The following CD300LG variants were observed in gnomAD, a reference collection of about 807,000 sequenced individuals.
CD300LG encodes CD300 molecule like family member g, also known as CMRF35-like molecule 9.
A neutral mutation model predicts 31.5 loss-of-function variants in CD300LG; 29 were observed. That is an observed-to-expected ratio of 0.92 (90% CI 0.68 to 1.25). CD300LG has a LOEUF of 1.25. Ranked by LOEUF, CD300LG falls within the 50% of genes most tolerant of loss-of-function variation. The pLI is 0.00. For synonymous variants in CD300LG, 175 were observed against 177.2 expected, an observed-to-expected ratio of 0.99 and a Z score of 0.10; for missense variants, 396 against 417.6, an observed-to-expected ratio of 0.95 and a Z score of 0.45.
At chr17:43,852,725 G>A (rs11867485) in intron 2 of CD300LG, among the ~76,000 whole-genome samples, 187 bp from the exon 3 acceptor site, 30,687 of 152,200 alleles carry the variant, frequency 0.2, 4,175 homozygotes, top group Non-Finnish European at 0.3. Context: ...CGCGAGGCCA[G>A]GGGGCTGCAG....
intron 2 of CD300LG, chr17:43,850,001 C>A (rs1367070385): frequency 6.6e-6 from 1 of 152,194 alleles, no homozygotes; most frequent in African/African-American, 2.4e-5. Flanking sequence ...GTCATTTCTA[C>A]CAGTTATGAT....
intron 6 of CD300LG, among the ~76,000 whole-genome samples, chr17:43,859,482 G>A (rs1199828497): frequency 4.6e-5 from 7 of 152,216 alleles, no homozygotes; most frequent in Admixed American, 1.3e-4. Context: ...TTGCGATAGT[G>A]GGCCTGGCTG....
Position 43,855,323 on chromosome 17 carries a change from A to G in CD300LG, c.832+4A>G. The G allele has an allele frequency of 6.5e-7, 1 of 1,547,316 alleles. No homozygotes were observed. The highest frequency in any genetic ancestry group is 8.7e-7 in the Non-Finnish European group (1 of 1,147,998). Reference sequence around the variant, plus strand: ...CTGCTCCTGTGGAGAAAGGAAGGTGAGCAAAGGTGGGCGGCAGGAAGGCGG... The same window carrying G: ...CTGCTCCTGTGGAGAAAGGAAGGTGGGCAAAGGTGGGCGGCAGGAAGGCGG... On this transcript the variant is annotated splice_donor_region_variant and intron_variant, in intron 5 of 6. Transcript: ENST00000317310.
intron 6 of CD300LG, chr17:43,861,075 G>T: frequency 9.1e-6 from 9 of 984,942 alleles, no homozygotes; most frequent in Non-Finnish European, 1.1e-5. Context: ...GGCTTGGCTG[G>T]GCTAGCAGAC....
chr17:43,848,099 G>A (rs777085620), intron 1 of CD300LG, among the ~76,000 whole-genome samples: 8 of 152,034 alleles, frequency 5.3e-5, no homozygotes, highest in Non-Finnish European at 1.0e-4. Context: ...AAAATTAGCC[G>A]GGCATGGCAG....
intron 6 of CD300LG, chr17:43,857,650 T>C: frequency 8.5e-7 from 1 of 1,171,718 alleles, no homozygotes; most frequent in Admixed American, 2.0e-5. Context: ...CTGGCAGTGC[T>C]ACAAACTCTA....
chr17:43,858,040 C>T (rs1373712383), intron 6 of CD300LG: 1 of 1,440,416 alleles, frequency 6.9e-7, no homozygotes, highest in Non-Finnish European at 9.1e-7. Flanking sequence ...CCCTCCTGGC[C>T]CCTCCTCCCT....
intron 5 of CD300LG, among the ~76,000 whole-genome samples, chr17:43,856,734 C>T (rs2046533364): frequency 6.6e-6 from 1 of 152,204 alleles, no homozygotes; most frequent in Non-Finnish European, 1.5e-5. Flanking sequence ...CCCTTGGTAG[C>T]CTGTTAGAAA....
At position 43,861,950 on chromosome 17, in the gene CD300LG, T is replaced by C. The variant is rs776688105; in HGVS notation, c.*39T>C. On this transcript the variant is annotated 3_prime_UTR_variant, in exon 7 of 7. Transcript: ENST00000317310. ...CCTGGCCAGGCCAGCAGTGAAGCAG[T>C]ATGGCTGGCTGGATCAGCACCGATT... 2.8e-6 allele frequency: 4 copies of C among 1,441,368 alleles called. No homozygotes were observed. The highest frequency in any genetic ancestry group is 2.8e-6 in the Non-Finnish European group (3 of 1,055,760). 89.3% of individuals were successfully genotyped at this position (1,441,368 alleles called of 1,614,324 possible).
intron 6 of CD300LG, 193 bp downstream of exon 6, chr17:43,857,349 C>A: frequency 6.6e-7 from 1 of 1,512,788 alleles, no homozygotes; most frequent in South Asian, 1.2e-5. Context: ...GGACACAGTG[C>A]CCATGGGGGA....
intron 6 of CD300LG, chr17:43,861,381 C>A: frequency 1.5e-6 from 1 of 667,388 alleles, no homozygotes; most frequent in Non-Finnish European, 1.9e-6. Flanking sequence ...CACACCCCCG[C>A]ATCTACCCAC....
At chr17:43,857,521 T>C in intron 6 of CD300LG, 1 of 1,494,588 alleles carries the variant, frequency 6.7e-7, no homozygotes, top group Non-Finnish European at 9.0e-7. Flanking sequence ...TAGCCTGACT[T>C]TTCTCTCAGT....
intron 6 of CD300LG, among the ~76,000 whole-genome samples, chr17:43,860,123 C>G (rs2046622015): frequency 6.6e-6 from 1 of 152,146 alleles, no homozygotes; most frequent in African/African-American, 2.4e-5. Context: ...AAGCTGGGCC[C>G]CGGTTAGTAG....
At chr17:43,847,373 C>A in intron 1 of CD300LG, 114 bp downstream of exon 1, 1 of 1,192,974 alleles carries the variant, frequency 8.4e-7, no homozygotes, top group Non-Finnish European at 1.2e-6. Context: ...GCCTCCTCAG[C>A]CCTAGGGGAG....
intron 1 of CD300LG, 58 bp downstream of exon 1, chr17:43,847,317 G>C: frequency 6.6e-7 from 1 of 1,512,526 alleles, no homozygotes; most frequent in Non-Finnish European, 9.0e-7. Flanking sequence ...GGTCTGCAGG[G>C]AAAGGACCTC....
At position 43,857,964 on chromosome 17, in the gene CD300LG, CTG is replaced by C; in HGVS notation, c.885+811_885+812del. The C allele has an allele frequency of 2.6e-6, 4 of 1,519,932 alleles. No individual in the cohort carries two copies. The African/African-American group carries it at 4.1e-5, about 16-fold the overall frequency. The allele number at this position is 1,519,932 out of a possible 1,614,324, so 94.2% of individuals were successfully genotyped here. On this transcript the variant is annotated intron_variant, in intron 6 of 6. Coordinates refer to ENST00000317310, the MANE Select transcript of CD300LG (RefSeq NM_145273.4). ...CCAAGGCTACTGCTGCAAGAAGAGA[CTG>C]TGCCCTCCGAGGCCAGCACTCCAAC...
At chr17:43,857,769 C>G in intron 6 of CD300LG, 2 of 1,536,912 alleles carry the variant, frequency 1.3e-6, no homozygotes, top group Non-Finnish European at 1.7e-6. Context: ...GATTTCTTGA[C>G]TCCTGCTCTT....
intron 6 of CD300LG, chr17:43,857,508 C>T: frequency 1.3e-6 from 2 of 1,510,734 alleles, no homozygotes; most frequent in Non-Finnish European, 1.8e-6. Flanking sequence ...CCTTTGAGAT[C>T]TCTAGCCTGA....
Position 43,848,622 on chromosome 17 carries a change from G to A in CD300LG, c.108G>A (p.Gln36=), listed in dbSNP as rs1193758070. The stretch of plus-strand genomic sequence containing the variant: ...TCGAAGGGGACACTGTGTCCCTGCA[G>A]TGCACCTACAGGGAAGAGCTGAGGG... The part of the protein sequence containing the change: ...SGFEGDTVSL[Q]CTYREELRDH... The change falls in exon 2 of 7, where the codon CAG becomes CAA. Residue 36 remains glutamine, a synonymous_variant. Transcript: ENST00000317310. The A allele has an allele frequency of 3.7e-6, 6 of 1,614,066 alleles. No homozygotes were observed. The Admixed American group carries it at 5.0e-5, about 13-fold the overall frequency.
Sources: allele counts gnomAD v4.1 joint callset (sites outside exome capture counted in the v4.1 genomes callset), GRCh38; gene constraint gnomAD v4.1.1; transcripts MANE v1.5; gene names NCBI Gene and HGNC (gene_info 2026-07-23, HGNC 2026-07-21).